Variants in MDGA2 observed in about 807,000 individuals in gnomAD.
MDGA2 encodes MAM domain containing glycosylphosphatidylinositol anchor 2, also known as MAM domain-containing glycosylphosphatidylinositol anchor protein 2.
Under a neutral mutation model 117.8 loss-of-function variants are expected in MDGA2, and 40 were observed. The observed-to-expected ratio is 0.34, with a 90% confidence interval of 0.26 to 0.44. The LOEUF (loss-of-function observed/expected upper bound fraction) is 0.44. Ranked by LOEUF, MDGA2 falls within the 20% of genes least tolerant of loss-of-function variation. The pLI is 1.00. For missense variants in MDGA2, 1,123 were observed against 1,250.6 expected (o/e 0.90, Z 1.54); for synonymous variants, 452 against 439.0 (o/e 1.03, Z -0.37).
At chr14:46,901,462 G>C (rs1208198151) in intron 10 of MDGA2, among the ~76,000 whole-genome samples, 4 of 152,140 alleles carry the variant, frequency 2.6e-5, no homozygotes, top group Admixed American at 2.6e-4. Flanking sequence ...GCATACAAAA[G>C]TCAGTGGAAC....
intron 16 of MDGA2, among the ~76,000 whole-genome samples, chr14:46,842,397 G>A (rs1191903961): frequency 3.3e-5 from 5 of 151,958 alleles, no homozygotes; most frequent in South Asian, 4.2e-4. Flanking sequence ...CAAGCTTCCC[G>A]AAGTGGATAA....
intron 3 of MDGA2, among the ~76,000 whole-genome samples, chr14:47,189,658 T>C (rs576128124): frequency 1.8e-4 from 28 of 152,180 alleles, no homozygotes; most frequent in Non-Finnish European, 7.4e-5. Context: ...ACAATCATCA[T>C]TTAAAAGTTT....
intron 13 of MDGA2, 27 bp downstream of exon 13, chr14:46,874,018 T>G (rs755146610): frequency 6.6e-7 from 1 of 1,507,280 alleles, no homozygotes; most frequent in Admixed American, 2.6e-5. Flanking sequence ...CTGATTGCTA[T>G]GAACACAAAA....
At chr14:47,515,202 C>T (rs933128436) in intron 1 of MDGA2, among the ~76,000 whole-genome samples, 2 of 152,106 alleles carry the variant, frequency 1.3e-5, no homozygotes, top group African/African-American at 2.4e-5. Context: ...TAGAGAATTA[C>T]GCCTGGATGA....
At chr14:46,975,979 T>C (rs1350892233) in intron 8 of MDGA2, among the ~76,000 whole-genome samples, 6 of 152,106 alleles carry the variant, frequency 3.9e-5, no homozygotes, top group Admixed American at 2.6e-4. Flanking sequence ...GGATCAACCT[T>C]CTAATACCTA....
rs935120681 is a variant in MDGA2, at chr14:47,191,121, C to T, written c.595+26900G>A. 2.0e-5 allele frequency among the ~76,000 whole-genome samples: 3 copies of T among 151,926 alleles called. 1 individual carries two copies. Among genetic ancestry groups the T allele is most frequent in the Non-Finnish European group, 4.4e-5 (3 of 67,940 alleles). The stretch of plus-strand genomic sequence containing the variant: ...CTTGTAGCATCTGAATTTAGCCACT[C>T]TAACATATATATACATATCTGTGTG... On this transcript the variant is annotated intron_variant, in intron 3 of 16. Transcript: ENST00000399232.
At chr14:47,524,901 T>C (rs942301836) in intron 1 of MDGA2, among the ~76,000 whole-genome samples, 2 of 152,184 alleles carry the variant, frequency 1.3e-5, no homozygotes, top group African/African-American at 4.8e-5. Context: ...CATCAGTCAC[T>C]AGAATGCACA....
rs1182195578 is a variant in MDGA2, at chr14:46,882,216, T to G, written c.2244A>C (p.Gly748=). 3 of 1,607,646 alleles carry G rather than the reference T, an allele frequency of 1.9e-6. No individual in the cohort carries two copies. The highest frequency in any genetic ancestry group is 2.5e-6 in the Non-Finnish European group (3 of 1,176,770). ...TCTCCTGCTCCCACCAGCGCTGCTG[T>G]CCAGCCTGAAATCAAAACAATAATA... The part of the protein sequence containing the change: ...VAYRLGIRQA[G]QQRWWEQEIK... Residue 748 remains glycine, a synonymous_variant, in exon 11 of 17, where the codon GGA becomes GGC. Transcript: ENST00000399232.
intron 6 of MDGA2, among the ~76,000 whole-genome samples, chr14:47,090,676 TG>T: frequency 6.6e-6 from 1 of 152,288 alleles, no homozygotes; most frequent in East Asian, 1.9e-4. Context: ...AATACAATAA[TG>T]ATACTGTAGT....
chr14:47,333,183 G>C (rs934755812), intron 1 of MDGA2, among the ~76,000 whole-genome samples: 1 of 151,830 alleles, frequency 6.6e-6, no homozygotes, highest in Non-Finnish European at 1.5e-5. Flanking sequence ...AGATTAAATG[G>C]TAGTTCTATT....
rs556535262 is a variant in MDGA2 at position 47,567,961 on chromosome 14, A to G, written c.280+106556T>C. Among the ~76,000 whole-genome samples, 9 of 152,136 alleles carry G rather than the reference A, an allele frequency of 5.9e-5. No homozygotes were observed. In the South Asian group the frequency reaches 1.7e-3, roughly 28 times the overall value. On this transcript the variant is annotated intron_variant, in intron 1 of 16. Coordinates refer to ENST00000399232, the MANE Select transcript of MDGA2 (RefSeq NM_001113498.3). ...TTTTTGGACGTTCTGGGCTACTCCC[A>G]TGCTAGCTCCCAATAAGAATCTAGC...
intron 8 of MDGA2, among the ~76,000 whole-genome samples, chr14:46,961,341 G>C (rs893495909): frequency 2.6e-5 from 4 of 151,938 alleles, no homozygotes; most frequent in Non-Finnish European, 5.9e-5. Context: ...AGATGATCCT[G>C]TTCATTCTGC....
chr14:47,207,096 G>C (rs1885712193), intron 3 of MDGA2, among the ~76,000 whole-genome samples: 1 of 151,974 alleles, frequency 6.6e-6, no homozygotes, highest in Admixed American at 6.6e-5. Context: ...TCACTGAGTT[G>C]TTCATTTGGA....
intron 6 of MDGA2, among the ~76,000 whole-genome samples, chr14:47,081,217 A>T (rs982474175): frequency 1.3e-5 from 2 of 152,128 alleles, no homozygotes; most frequent in African/African-American, 2.4e-5. Context: ...ATTAAAAAAA[A>T]AGTTGTAGCT....
chr14:47,387,833 C>T (rs753325239), intron 1 of MDGA2, among the ~76,000 whole-genome samples: 129 of 152,228 alleles, frequency 8.5e-4, no homozygotes, highest in Non-Finnish European at 1.2e-3. Context: ...GATACGTTTA[C>T]GTGTAAGAAA....
intron 10 of MDGA2, among the ~76,000 whole-genome samples, chr14:46,917,529 C>T (rs1595043056): frequency 1.3e-5 from 2 of 151,934 alleles, no homozygotes; most frequent in South Asian, 2.1e-4. Flanking sequence ...AATATGAGGC[C>T]GTATTGGCTA....
chr14:46,920,171 A>G lies in MDGA2; in HGVS notation c.2090-11T>C. 1 of 1,604,786 alleles carries G rather than the reference A, an allele frequency of 6.2e-7. No homozygotes were observed. The highest frequency in any genetic ancestry group is 8.5e-7 in the Non-Finnish European group (1 of 1,176,768). ...GAGCATAGGCCTTTCCTGAAAACAG[A>G]AAGTGTGCTTAAATTTGAATGATGA... On this transcript the variant is annotated splice_polypyrimidine_tract_variant and intron_variant, in intron 9 of 16. Coordinates refer to ENST00000399232, the MANE Select transcript of MDGA2 (RefSeq NM_001113498.3).
At chr14:47,651,849 T>C (rs143690359) in intron 1 of MDGA2, among the ~76,000 whole-genome samples, 102 of 152,250 alleles carry the variant, frequency 6.7e-4, no homozygotes, top group Non-Finnish European at 3.4e-4. Context: ...AGGTGAATGA[T>C]ATGTGGACCT....
intron 3 of MDGA2, among the ~76,000 whole-genome samples, chr14:47,178,346 C>A (rs1263856947): frequency 6.6e-6 from 1 of 152,094 alleles, no homozygotes; most frequent in East Asian, 1.9e-4. Flanking sequence ...GGTCGAGGGC[C>A]ACAAGGCTGA....
Sources: allele counts gnomAD v4.1 joint callset (sites outside exome capture counted in the v4.1 genomes callset), GRCh38; gene constraint gnomAD v4.1.1; transcripts MANE v1.5; gene names NCBI Gene and HGNC (gene_info 2026-07-23, HGNC 2026-07-21).